The following GPC6 variants were observed in gnomAD, a reference collection of about 807,000 sequenced individuals.
GPC6 encodes glypican 6.
A neutral mutation model predicts 55.2 loss-of-function variants in GPC6; 14 were observed. The ratio of observed to expected loss-of-function variants is 0.25; its 90% CI spans 0.17 to 0.40. GPC6 has a LOEUF of 0.40. GPC6 is among the 10% of genes least tolerant of loss of function. The pLI, the probability that GPC6 is intolerant of heterozygous loss-of-function variation, is 1.00. For missense variants in GPC6, 641 were observed against 708.5 expected, an observed-to-expected ratio of 0.90 and a Z score of 1.08; for synonymous variants, 278 against 259.6, an observed-to-expected ratio of 1.07 and a Z score of -0.68.
chr13:93,403,728 T>C (rs1035603225), intron 1 of GPC6, among the ~76,000 whole-genome samples: 1 of 152,168 alleles, frequency 6.6e-6, no homozygotes, highest in African/African-American at 2.4e-5. Context: ...GCCTCAGATA[T>C]TGTTTTTAAA....
intron 1 of GPC6, among the ~76,000 whole-genome samples, chr13:93,536,264 C>A (rs1882057550): frequency 6.6e-6 from 1 of 152,168 alleles, no homozygotes; most frequent in East Asian, 1.9e-4. Context: ...ACCATTTTAA[C>A]CATTTTACAG....
At chr13:93,797,667 A>G (rs1566540909) in intron 2 of GPC6, among the ~76,000 whole-genome samples, 1 of 152,182 alleles carries the variant, frequency 6.6e-6, no homozygotes, top group Non-Finnish European at 1.5e-5. Context: ...CTTCAGACAG[A>G]GGAGAACGTG....
At chr13:93,465,974 T>TG (rs1019804034) in intron 1 of GPC6, among the ~76,000 whole-genome samples, 1 of 152,186 alleles carries the variant, frequency 6.6e-6, no homozygotes, top group East Asian at 1.9e-4. Flanking sequence ...CAGACAGAGA[T>TG]GGGGGGAACG....
At chr13:94,054,854 G>A (rs530149233) in intron 4 of GPC6, among the ~76,000 whole-genome samples, 38 of 152,224 alleles carry the variant, frequency 2.5e-4, no homozygotes, top group African/African-American at 8.4e-4. Flanking sequence ...AGTACTTCTT[G>A]TATGCTCTGT....
intron 1 of GPC6, among the ~76,000 whole-genome samples, chr13:93,528,322 G>C (rs1881729675): frequency 1.3e-5 from 2 of 152,240 alleles, no homozygotes; most frequent in African/African-American, 4.8e-5. Flanking sequence ...GAGGGCTGTG[G>C]GACTGCAACT....
chr13:93,634,011 CATG>C (rs1394832322), intron 2 of GPC6, among the ~76,000 whole-genome samples: 1 of 152,096 alleles, frequency 6.6e-6, no homozygotes, highest in Non-Finnish European at 1.5e-5. Context: ...ACTATTTGTT[CATG>C]ATAACTTTAA....
chr13:93,373,582 C>G (rs1232780993), intron 1 of GPC6, among the ~76,000 whole-genome samples: 1 of 152,074 alleles, frequency 6.6e-6, no homozygotes, highest in Non-Finnish European at 1.5e-5. Context: ...CTTGTGGTTT[C>G]ATTATACTTA....
chr13:93,334,632 A>G (rs1879981758), intron 1 of GPC6, among the ~76,000 whole-genome samples: 1 of 151,788 alleles, frequency 6.6e-6, no homozygotes, highest in Non-Finnish European at 1.5e-5. Flanking sequence ...ATGCCCAGCT[A>G]ATTTTTATAA....
chr13:94,352,118 C>T (rs1310521800), intron 6 of GPC6, among the ~76,000 whole-genome samples: 3 of 152,056 alleles, frequency 2.0e-5, no homozygotes, highest in Non-Finnish European at 1.5e-5. Flanking sequence ...GTGTGCTCGC[C>T]TCTGTATAAA....
chr13:93,416,377 ATTC>A (rs780455216), intron 1 of GPC6, among the ~76,000 whole-genome samples: 14 of 152,034 alleles, frequency 9.2e-5, no homozygotes, highest in Non-Finnish European at 1.9e-4. Context: ...ATCACATTTG[ATTC>A]TTCTTTAATG....
chr13:94,271,382 G>GCGCACACACA (rs1491286473), intron 4 of GPC6, among the ~76,000 whole-genome samples: 35 of 126,756 alleles, frequency 2.8e-4, no homozygotes, highest in African/African-American at 9.2e-4. Flanking sequence ...GCGCGCGCGC[G>GCGCACACACA]CACACACACA....
At chr13:93,546,956 T>C (rs1470764923) in intron 2 of GPC6, among the ~76,000 whole-genome samples, 1 of 137,678 alleles carries the variant, frequency 7.3e-6, no homozygotes, top group Non-Finnish European at 1.7e-5. Flanking sequence ...GTAGATGATA[T>C]ATATTCTTTA....
intron 1 of GPC6, among the ~76,000 whole-genome samples, chr13:93,448,214 G>A (rs1878084781): frequency 6.6e-6 from 1 of 152,198 alleles, no homozygotes; most frequent in South Asian, 2.1e-4. Flanking sequence ...GATGGTCCCA[G>A]ATGATTGTAA....
chr13:93,442,733 A>T (rs1457746684), intron 1 of GPC6, among the ~76,000 whole-genome samples: 3 of 151,960 alleles, frequency 2.0e-5, no homozygotes, highest in African/African-American at 7.3e-5. Context: ...GATTAAGACA[A>T]TCTTTGATTT....
intron 1 of GPC6, among the ~76,000 whole-genome samples, chr13:93,505,872 T>C (rs1416187780): frequency 6.6e-6 from 1 of 152,210 alleles, no homozygotes; most frequent in African/African-American, 2.4e-5. Flanking sequence ...TAGGAATAAA[T>C]TGTAGTGAAT....
intron 2 of GPC6, among the ~76,000 whole-genome samples, chr13:93,794,577 AAAAG>A (rs1254441635): frequency 3.3e-5 from 5 of 152,208 alleles, no homozygotes; most frequent in Non-Finnish European, 5.9e-5. Context: ...CTGGGGGGGA[AAAAG>A]AAAGAGTTGT....
At chr13:93,932,131 G>T (rs575764444) in intron 3 of GPC6, among the ~76,000 whole-genome samples, 2 of 152,112 alleles carry the variant, frequency 1.3e-5, no homozygotes, top group Non-Finnish European at 2.9e-5. Context: ...ATTGTCTGGC[G>T]AACAGGACAC....
At chr13:93,330,065 G>A (rs1879793215) in intron 1 of GPC6, among the ~76,000 whole-genome samples, 1 of 152,146 alleles carries the variant, frequency 6.6e-6, no homozygotes. Flanking sequence ...TAAACATAAA[G>A]GAAGAGAAAA....
chr13:94,014,727 T>C (rs1044090982), intron 3 of GPC6, among the ~76,000 whole-genome samples: 1 of 152,152 alleles, frequency 6.6e-6, no homozygotes, highest in Non-Finnish European at 1.5e-5. Flanking sequence ...CAACCACTAA[T>C]CTACTTTCTG....
Sources: gnomAD v4.1 joint callset for allele counts (sites outside exome capture counted in the v4.1 genomes callset) on GRCh38, gnomAD v4.1.1 for gene constraint, MANE v1.5 for transcripts, NCBI Gene and HGNC (gene_info 2026-07-23, HGNC 2026-07-21) for gene names.